The following PKD1L3 variants were observed in gnomAD, a reference collection of about 807,000 sequenced individuals.
PKD1L3 encodes polycystin 1 like 3, transient receptor potential channel interacting.
Under a neutral mutation model 184.1 loss-of-function variants are expected in PKD1L3, and 239 were observed. The observed-to-expected ratio is 1.30, with a 90% CI of 1.17 to 1.45. PKD1L3 has a LOEUF of 1.45. Ranked by LOEUF, PKD1L3 falls within the 40% of genes most tolerant of loss-of-function variation. The pLI, the probability that PKD1L3 is intolerant of heterozygous loss-of-function variation, is 0.00. For synonymous variants in PKD1L3, 996 were observed against 778.8 expected, an observed-to-expected ratio of 1.28 and a Z score of -4.64; for missense variants, 2,660 against 2,067.2, an observed-to-expected ratio of 1.29 and a Z score of -5.56.
At position 71,929,582 on chromosome 16, in the gene PKD1L3, T is replaced by C. The variant is rs1028015681; in HGVS notation, c.5155A>G (p.Thr1719Ala). 29 of 1,551,692 alleles carry C rather than the reference T, an allele frequency of 1.9e-5. No individual in the cohort carries two copies. Among genetic ancestry groups the C allele is most frequent in the Non-Finnish European group, 2.4e-5 (28 of 1,147,024 alleles). ...QKTSSEQAAT[T>A]AVGSDTEVLD... ...ACTTCAGTGTCACTGCCCACTGCTGTCGTGGCTGCTTGCTCAGATGAGGTT... is the reference window on the plus strand; with the variant it reads ...ACTTCAGTGTCACTGCCCACTGCTGCCGTGGCTGCTTGCTCAGATGAGGTT... Residue 1719 changes from threonine (T) to alanine (A), a missense_variant, in exon 30 of 30, where the codon ACA becomes GCA. Coordinates refer to ENST00000620267, the MANE Select transcript of PKD1L3 (RefSeq NM_181536.2).
At chr16:71,945,711 G>A (rs555493576) in intron 22 of PKD1L3, among the ~76,000 whole-genome samples, 1 of 152,022 alleles carries the variant, frequency 6.6e-6, no homozygotes, top group Admixed American at 6.6e-5. Flanking sequence ...AATAACTAGA[G>A]GAGGGCATGA....
intron 6 of PKD1L3, among the ~76,000 whole-genome samples, chr16:71,983,265 G>A (rs1038441231): frequency 1.3e-5 from 2 of 151,796 alleles, no homozygotes; most frequent in African/African-American, 2.4e-5. Flanking sequence ...TCCCATCTCA[G>A]CCTCCCAAGT....
In PKD1L3 at chr16:71,934,006, C is replaced by T. The variant is rs996790008; in HGVS notation, c.4733G>A (p.Arg1578Gln). Reference protein sequence around the residue: ...WNLLRHSPRLRVISRTLSRAW... With the variant: ...WNLLRHSPRLQVISRTLSRAW... ...TCGGCTCAGTGTCCTGCTGATGACC[C>T]GCAGCCTGGGGCTATGACGCAGCAG... Residue 1578 changes from arginine to glutamine, a missense_variant, in exon 27 of 30, where the codon CGG becomes CAG. Physicochemically the swap from Arg to Gln is conservative, Grantham distance 43 (BLOSUM62 1). Coordinates refer to ENST00000620267, the MANE Select transcript of PKD1L3 (RefSeq NM_181536.2). 19 of 1,551,688 alleles carry T rather than the reference C, an allele frequency of 1.2e-5. No homozygotes were observed. In the African/African-American group the frequency reaches 1.6e-4, roughly 13 times the overall value.
chr16:71,985,532 C>A (rs2040324202), intron 5 of PKD1L3, among the ~76,000 whole-genome samples: 1 of 152,080 alleles, frequency 6.6e-6, no homozygotes, highest in African/African-American at 2.4e-5. Flanking sequence ...AACCCTCCCA[C>A]CTCAGCCCCT....
intron 24 of PKD1L3, among the ~76,000 whole-genome samples, chr16:71,940,793 C>T (rs950985598): frequency 5.3e-5 from 8 of 151,474 alleles, no homozygotes; most frequent in South Asian, 2.1e-4. Flanking sequence ...AGCTACCATG[C>T]CCAGCCAGGC....
rs1001357727 is a variant in PKD1L3 at position 71,947,553 on chromosome 16, G to A, written c.3657C>T (p.Ser1219=). The A allele has an allele frequency of 3.2e-5, 49 of 1,547,614 alleles. No homozygotes were observed. Among genetic ancestry groups the A allele is most frequent in the Middle Eastern group, 1.7e-4 (1 of 6,012 alleles). The change falls in exon 22 of 30, where the codon AGC becomes AGT. Residue 1219 remains serine, a synonymous_variant. Coordinates refer to ENST00000620267, the MANE Select transcript of PKD1L3 (RefSeq NM_181536.2). ...FFTFLYSLMM[S]RMPRLNKENE... is the part of the protein sequence containing the mutation. Reference sequence around the variant, plus strand: ...TCTCTTTGTTAAGCCGTGGCATCCTGCTCATCATCAGTGAGTATAAGAATG... The same window carrying A: ...TCTCTTTGTTAAGCCGTGGCATCCTACTCATCATCAGTGAGTATAAGAATG...
chr16:71,990,400 C>G (rs2040542646), intron 3 of PKD1L3, 71 bp from the exon 4 acceptor site: 2 of 1,291,558 alleles, frequency 1.5e-6, no homozygotes, highest in Admixed American at 4.6e-5. Flanking sequence ...TACTTGAGGA[C>G]TTCTTATTCA....
In PKD1L3 at chr16:71,985,414, A is replaced by T. The variant is rs1312033194; in HGVS notation, c.834+807T>A. On this transcript the variant is annotated intron_variant, in intron 5 of 29. Coordinates refer to ENST00000620267, the MANE Select transcript of PKD1L3 (RefSeq NM_181536.2). ...ATTATTTTCTTCAGTCAATACTGTC[A>T]AAGGGACTTTGCCTTTTTTTGAGAG... is the stretch of plus-strand genomic sequence containing the variant. Among the ~76,000 whole-genome samples, 5 of 152,236 alleles carry T rather than the reference A, an allele frequency of 3.3e-5. No homozygotes were observed. In the East Asian group the frequency reaches 7.7e-4, roughly 24 times the overall value.
At chr16:71,935,926 G>A (rs1164184658) in intron 25 of PKD1L3, among the ~76,000 whole-genome samples, 4 of 152,048 alleles carry the variant, frequency 2.6e-5, no homozygotes, top group African/African-American at 9.7e-5. Flanking sequence ...CTCCCAAGTA[G>A]CAGGGACCAC....
At chr16:71,976,318 C>T (rs1312842525) in intron 11 of PKD1L3, among the ~76,000 whole-genome samples, 9 of 129,416 alleles carry the variant, frequency 7.0e-5, no homozygotes, top group Admixed American at 1.8e-4. Flanking sequence ...CGCAATGGTG[C>T]GATCTTGGCT....
rs1401883567 is a variant in PKD1L3, at chr16:71,954,274, T to C, written c.2640A>G (p.Glu880=). 6.5e-7 allele frequency: 1 copy of C among 1,545,430 alleles called. No individual in the cohort carries two copies. Among genetic ancestry groups the C allele is most frequent in the Admixed American group, 2.0e-5 (1 of 49,200 alleles). Residue 880 remains glutamate (E), a synonymous_variant, in exon 17 of 30, where the codon GAA becomes GAG. Transcript: ENST00000620267. ...FRHLFSSMIV[E]KFTQDYLWLS... Reference sequence around the variant, plus strand: ...GCCACAGATAATCCTGGGTGAACTTTTCCACAATCATGGAGGAAAACAGAT... The same window carrying C: ...GCCACAGATAATCCTGGGTGAACTTCTCCACAATCATGGAGGAAAACAGAT...
At chr16:71,979,937 G>A in intron 8 of PKD1L3, 25 bp from the exon 9 acceptor site, 1 of 1,550,446 alleles carries the variant, frequency 6.4e-7, no homozygotes. Context: ...TAAAATGGAA[G>A]TCAATTTTTG....
At chr16:71,975,797 C>G (rs571705213) in intron 11 of PKD1L3, among the ~76,000 whole-genome samples, 2 of 152,270 alleles carry the variant, frequency 1.3e-5, no homozygotes, top group African/African-American at 4.8e-5. Flanking sequence ...TCACACAGGA[C>G]TCAATACACA....
At chr16:71,989,949 C>T (rs577148716) in intron 4 of PKD1L3, among the ~76,000 whole-genome samples, 1 of 152,182 alleles carries the variant, frequency 6.6e-6, no homozygotes, top group South Asian at 2.1e-4. Flanking sequence ...GTGGCGCAGG[C>T]CTGTAATCCC....
chr16:71,965,927 C>G lies in PKD1L3; in HGVS notation c.2465+1210G>C, dbSNP rs760372120. Among the ~76,000 whole-genome samples, 45 of 152,050 alleles carry G rather than the reference C, an allele frequency of 3.0e-4. 2 individuals are homozygous for G. The highest frequency in any genetic ancestry group is 2.1e-4 in the South Asian group (1 of 4,828). The stretch of plus-strand genomic sequence containing the variant: ...GTCATTTTCATTTACTGATGACTAA[C>G]CAGGTTGAACATCTTTTCAAGTGCT... On this transcript the variant is annotated intron_variant, in intron 15 of 29. Coordinates refer to ENST00000620267, the MANE Select transcript of PKD1L3 (RefSeq NM_181536.2).
chr16:71,942,544 G>T lies in PKD1L3; in HGVS notation c.4324+16C>A. ...TTTGCTACGTGTGGTTGAATTCCAG[G>T]GGTCACTCCAGTTACCTCTCATGAT... On this transcript the variant is annotated intron_variant, in intron 24 of 29. Transcript: ENST00000620267. The T allele has an allele frequency of 6.5e-7, 1 of 1,537,280 alleles. No individual in the cohort carries two copies. The highest frequency in any genetic ancestry group is 2.0e-5 in the Admixed American group (1 of 50,368).
intron 19 of PKD1L3, among the ~76,000 whole-genome samples, chr16:71,950,954 G>T (rs947965303): frequency 6.6e-6 from 1 of 151,708 alleles, no homozygotes; most frequent in South Asian, 2.1e-4. Flanking sequence ...CATTGGCCAG[G>T]CTGGTTTTGA....
At position 71,984,074 on chromosome 16, in the gene PKD1L3, G is replaced by A; in HGVS notation, c.928C>T (p.Leu310=). ...LQEACEFLQK[L]TALTPRFSKP... ...GAAAATCTTGGGGTTAAGGCTGTTAGTTTCTGGAGGAACTCACAAGCTTCC... is the reference window on the plus strand; with the variant it reads ...GAAAATCTTGGGGTTAAGGCTGTTAATTTCTGGAGGAACTCACAAGCTTCC... Residue 310 remains leucine (L), a synonymous_variant, in exon 6 of 30, where the codon CTA becomes TTA. Coordinates refer to ENST00000620267, the MANE Select transcript of PKD1L3 (RefSeq NM_181536.2). 6.4e-7 allele frequency: 1 copy of A among 1,552,278 alleles called. No homozygotes were observed. The highest frequency in any genetic ancestry group is 1.4e-5 in the African/African-American group (1 of 73,166).
intron 15 of PKD1L3, among the ~76,000 whole-genome samples, chr16:71,964,837 C>A (rs62053839): frequency 0.21 from 31,504 of 148,502 alleles, 3,381 homozygotes; most frequent in East Asian, 0.24. Context: ...TGCTCTCTCT[C>A]TATATATATG....
Sources: allele counts gnomAD v4.1 joint callset (sites outside exome capture counted in the v4.1 genomes callset), GRCh38; gene constraint gnomAD v4.1.1; transcripts MANE v1.5; gene names NCBI Gene and HGNC (gene_info 2026-07-23, HGNC 2026-07-21).